The following ABCA4 variants were observed in gnomAD, a reference collection of about 807,000 sequenced individuals.
ABCA4 encodes the protein ATP binding cassette subfamily A member 4.
In ABCA4, 196 loss-of-function variants were observed where a neutral mutation model predicts 263.7. That is an observed-to-expected ratio of 0.74 (90% CI 0.66 to 0.84). The LOEUF is 0.84. ABCA4 is among the 40% of genes least tolerant of loss of function. The probability of loss-of-function intolerance (pLI) is 0.00; values close to 1 mark genes in which losing one functional copy is unlikely to be tolerated. For synonymous variants in ABCA4, 1,133 were observed against 1,094.2 expected, an observed-to-expected ratio of 1.04 and a Z score of -0.70; for missense variants, 2,792 against 2,855.1, an observed-to-expected ratio of 0.98 and a Z score of 0.50.
Position 94,103,040 on chromosome 1 carries a change from A to ATCCGTCTGAG in ABCA4, c.544_545insCTCAGACGGA (p.Ile182ThrfsTer101). On this transcript the variant is annotated frameshift_variant, in exon 5 of 50. Transcript: ENST00000370225. LOFTEE classifies it high-confidence loss of function. ...CTGCTCTGGACGGACTTGAGAGTTG[A>ATCCGTCTGAG]TCAGAAGGTAGACCACTGAGTCAGA... 6.2e-7 allele frequency: 1 copy of ATCCGTCTGAG among 1,614,206 alleles called. No individual in the cohort carries two copies. The highest frequency in any genetic ancestry group is 8.5e-7 in the Non-Finnish European group (1 of 1,180,018).
chr1:94,001,828 G>A lies in ABCA4; in HGVS notation c.6282+30C>T, dbSNP rs751480993. The A allele has an allele frequency of 1.2e-5, 20 of 1,614,022 alleles. 1 individual carries two copies. The South Asian group carries it at 2.1e-4, about 17-fold the overall frequency. ...CCAAGAGACCCAGCACTTGGTTTAA[G>A]CCCTTGGTGCGGCCCAAGCCCGCAG... On this transcript the variant is annotated intron_variant, in intron 45 of 49. Coordinates refer to ENST00000370225, the MANE Select transcript of ABCA4 (RefSeq NM_000350.3).
chr1:94,022,060 C>T (rs1659918333), intron 32 of ABCA4, 109 bp from the exon 33 acceptor site: 1 of 899,472 alleles, frequency 1.1e-6, no homozygotes, highest in Non-Finnish European at 1.8e-6. Flanking sequence ...ATTGCCTGGA[C>T]CAGCGAGCAA....
At chr1:94,032,683 G>T (rs1304197662) in intron 26 of ABCA4, among the ~76,000 whole-genome samples, 1 of 152,064 alleles carries the variant, frequency 6.6e-6, no homozygotes, top group Non-Finnish European at 1.5e-5. Flanking sequence ...CTAAGGTGCT[G>T]GTCAATATGT....
rs1038826469 is a variant in ABCA4, at chr1:94,063,206, T to A, written c.1666A>T (p.Met556Leu). The change falls in exon 12 of 50, where the codon ATG (methionine) becomes TTG (leucine). Residue 556 changes from methionine to leucine, a missense_variant. By Grantham distance (15) the Met-to-Leu change is conservative (BLOSUM62 2). Transcript: ENST00000370225. ...MFWAGVVFPD[M>L]YPWTSSLPPH... ...GGTAGAGAGCTGGTCCAGGGATACA[T>A]GTCAGGGAATACCACTCCGGCCCAG... 3.1e-6 allele frequency: 5 copies of A among 1,614,116 alleles called. No individual in the cohort carries two copies. Among genetic ancestry groups the A allele is most frequent in the Admixed American group, 1.7e-5 (1 of 60,018 alleles).
intron 5 of ABCA4, 25 bp from the exon 6 acceptor site, chr1:94,099,016 G>A (rs757422389): frequency 1.9e-6 from 3 of 1,593,938 alleles, no homozygotes; most frequent in Non-Finnish European, 2.6e-6. Context: ...GGCAACACTA[G>A]AAACTGCCCT....
chr1:94,062,780 T>C, intron 12 of ABCA4, 27 bp from the exon 13 acceptor site: 1 of 1,611,178 alleles, frequency 6.2e-7, no homozygotes, highest in South Asian at 1.1e-5. Context: ...GGACAAAGGA[T>C]GGGAACGGGC....
intron 31 of ABCA4, among the ~76,000 whole-genome samples, chr1:94,023,809 ACAC>A (rs1659966945): frequency 6.6e-6 from 1 of 152,164 alleles, no homozygotes; most frequent in African/African-American, 2.4e-5. Flanking sequence ...AACCACCTGC[ACAC>A]CTCGGGGGAG....
chr1:94,031,795 T>C lies in ABCA4; in HGVS notation c.4111A>G (p.Lys1371Glu). 6.2e-7 allele frequency: 1 copy of C among 1,613,816 alleles called. No homozygotes were observed. Reference sequence around the variant, plus strand: ...AATAGTACCTGCGCCAGGAAGTCCTTGTGGCTGCGGATGGTGTGTTGGAAT... The same window carrying C: ...AATAGTACCTGCGCCAGGAAGTCCTCGTGGCTGCGGATGGTGTGTTGGAAT... ...KRFQHTIRSH[K>E]DFLAQIVLPA... The change falls in exon 27 of 50, where the codon AAG (lysine) becomes GAG (glutamate). Residue 1371 changes from lysine (K) to glutamate (E), a missense_variant. Transcript: ENST00000370225.
Position 94,079,401 on chromosome 1 carries a change from C to G in ABCA4, c.1160G>C (p.Trp387Ser). Residue 387 changes from tryptophan (W) to serine (S), a missense_variant, in exon 9 of 50, where the codon TGG becomes TCG. Physicochemically the swap from Trp to Ser is radical, Grantham distance 177. Transcript: ENST00000370225. ...LESNPLTKIA[W>S]RAAKPLLMGK... Reference sequence around the variant, plus strand: ...CATCAGCAAAGGCTTTGCCGCCCTCCAAGCGATTTTGGTTAAAGGATTTGA... The same window carrying G: ...CATCAGCAAAGGCTTTGCCGCCCTCGAAGCGATTTTGGTTAAAGGATTTGA... The G allele has an allele frequency of 6.2e-7, 1 of 1,614,196 alleles. No homozygotes were observed.
chr1:94,097,772 C>G (rs978957769), intron 6 of ABCA4, among the ~76,000 whole-genome samples: 3 of 152,090 alleles, frequency 2.0e-5, no homozygotes, highest in African/African-American at 4.8e-5. Context: ...TTTATTGAGA[C>G]GGAGTCTTGC....
chr1:93,995,813 A>G (rs951527854), intron 49 of ABCA4, among the ~76,000 whole-genome samples: 4 of 152,228 alleles, frequency 2.6e-5, no homozygotes, highest in African/African-American at 9.6e-5. Context: ...GTAAGCAAAA[A>G]CATGGGAAAG....
At position 94,010,796 on chromosome 1, in the gene ABCA4, G is replaced by A. The variant is rs376586802; in HGVS notation, c.5714+4C>T. ...CACTGGCCCAGGGTGTGGCATGGAC[G>A]TACCATTGGGAGAGGAAGAAGTGGC... On this transcript the variant is annotated splice_donor_region_variant and intron_variant, in intron 40 of 49. Transcript: ENST00000370225. The A allele has an allele frequency of 7.2e-5, 117 of 1,614,128 alleles. No individual in the cohort carries two copies. Among genetic ancestry groups the A allele is most frequent in the East Asian group, 3.3e-4 (15 of 44,872 alleles).
rs374034732 is a variant in ABCA4, at chr1:94,022,283, T to C, written c.4668-332A>G. ...CTCCTCATGGCCCAGACTGCCTGCA[T>C]GTCTCTGCCTTTGCATGGCTGCTAG... On this transcript the variant is annotated intron_variant, in intron 32 of 49. Coordinates refer to ENST00000370225, the MANE Select transcript of ABCA4 (RefSeq NM_000350.3). Among the ~76,000 whole-genome samples the C allele has an allele frequency of 1.6e-4, 24 of 152,346 alleles. 1 individual carries two copies. Among genetic ancestry groups the C allele is most frequent in the East Asian group, 1.2e-3 (6 of 5,174 alleles).
Position 93,998,094 on chromosome 1 carries a change from T to C in ABCA4, c.6496A>G (p.Ile2166Val), listed in dbSNP as rs200658526. The change falls in exon 48 of 50, where the codon ATC (isoleucine) becomes GTC (valine). Residue 2166 changes from isoleucine to valine, a missense_variant. Ile to Val is a conservative substitution (Grantham distance 29, BLOSUM62 3). Transcript: ENST00000370225. The part of the protein sequence containing the change: ...HLKSKFGDGY[I>V]VTMKIKSPKD... ...GGGGATTTGATCTTCATTGTGACGATATAGCCATCTCCAAATCTAGGGGAT... is the reference window on the plus strand; with the variant it reads ...GGGGATTTGATCTTCATTGTGACGACATAGCCATCTCCAAATCTAGGGGAT... 1.2e-5 allele frequency: 20 copies of C among 1,614,170 alleles called. No individual in the cohort carries two copies. The East Asian group carries it at 2.7e-4, about 22-fold the overall frequency.
chr1:94,091,579 TCACA>T (rs35529737), intron 6 of ABCA4, among the ~76,000 whole-genome samples: 45,322 of 142,510 alleles, frequency 0.32, 7,677 homozygotes, highest in East Asian at 0.43. Context: ...AAACATCATC[TCACA>T]CACACACACA....
chr1:94,053,790 T>A (rs1004714732), intron 16 of ABCA4, among the ~76,000 whole-genome samples: 1 of 152,258 alleles, frequency 6.6e-6, no homozygotes, highest in Non-Finnish European at 1.5e-5. Context: ...TATTTTGTTA[T>A]GGCAGCCCTA....
intron 7 of ABCA4, among the ~76,000 whole-genome samples, chr1:94,081,950 A>G (rs150450925): frequency 8.4e-4 from 128 of 152,374 alleles, no homozygotes; most frequent in African/African-American, 3.0e-3. Context: ...TTTCAGTGGT[A>G]CTGGGGAATT....
intron 4 of ABCA4, among the ~76,000 whole-genome samples, chr1:94,105,870 C>T (rs1310892135): frequency 2.0e-5 from 3 of 152,192 alleles, no homozygotes; most frequent in Non-Finnish European, 4.4e-5. Context: ...TCCCAGGTGG[C>T]TGTGCAGAAG....
intron 17 of ABCA4, 70 bp from the exon 18 acceptor site, chr1:94,049,027 G>T: frequency 6.6e-7 from 1 of 1,507,560 alleles, no homozygotes; most frequent in Non-Finnish European, 9.2e-7. Context: ...GGAAAGGAGG[G>T]GAGAGGTACA....
Sources: gnomAD v4.1 joint callset for allele counts (sites outside exome capture counted in the v4.1 genomes callset) on GRCh38, gnomAD v4.1.1 for gene constraint, MANE v1.5 for transcripts, NCBI Gene and HGNC (gene_info 2026-07-23, HGNC 2026-07-21) for gene names.